Variants in CNTNAP5 observed in about 807,000 individuals in gnomAD.
The protein encoded by CNTNAP5 is contactin associated protein family member 5.
Under a neutral mutation model 150.2 loss-of-function variants are expected in CNTNAP5, and 72 were observed. The ratio of observed to expected loss-of-function variants is 0.48; its 90% confidence interval spans 0.40 to 0.58. The LOEUF is 0.58. Among genes scored for constraint, CNTNAP5 ranks in the 20% least tolerant of loss-of-function variants. The pLI, the probability that CNTNAP5 is intolerant of heterozygous loss-of-function variation, is 0.00. For missense variants in CNTNAP5, 1,636 were observed against 1,626.2 expected, an observed-to-expected ratio of 1.01 and a Z score of -0.10; for synonymous variants, 672 against 619.8, an observed-to-expected ratio of 1.08 and a Z score of -1.25.
chr2:124,340,216 T>C (rs1689576752), intron 3 of CNTNAP5, among the ~76,000 whole-genome samples: 1 of 152,210 alleles, frequency 6.6e-6, no homozygotes, highest in South Asian at 2.1e-4. Flanking sequence ...AAATTTAGCT[T>C]GGCCTATGCC....
intron 13 of CNTNAP5, among the ~76,000 whole-genome samples, chr2:124,653,904 GCCCCCAACCCCCCC>G (rs1678373890): frequency 2.5e-5 from 1 of 39,628 alleles, no homozygotes; most frequent in East Asian, 5.0e-4. Flanking sequence ...TGCCCCCACT[GCCCCCAACCCCCCC>G]CCCCCGCCAC....
At position 124,025,471 on chromosome 2, in the gene CNTNAP5, A is replaced by T; in HGVS notation, c.-180A>T. ...GTAGCCCCAGCTGCAGCTCCGAAGAATCCCCCGCCACGGTTTCGGTGGAGC... is the reference window on the plus strand; with the variant it reads ...GTAGCCCCAGCTGCAGCTCCGAAGATTCCCCCGCCACGGTTTCGGTGGAGC... On this transcript the variant is annotated 5_prime_UTR_variant, in exon 1 of 24. Coordinates refer to ENST00000682447, the MANE Select transcript of CNTNAP5 (RefSeq NM_001367498.1). The T allele has an allele frequency of 1.6e-6, 1 of 613,832 alleles. No homozygotes were observed. The highest frequency in any genetic ancestry group is 1.9e-5 in the South Asian group (1 of 53,266). The allele number at this position is 613,832 out of a possible 1,614,324, so 38.0% of individuals were successfully genotyped here.
chr2:124,252,321 C>T (rs373348572), intron 3 of CNTNAP5, among the ~76,000 whole-genome samples: 3 of 152,220 alleles, frequency 2.0e-5, no homozygotes, highest in South Asian at 2.1e-4. Context: ...TTTAGAGGCC[C>T]GTTCCTAAGT....
At chr2:124,594,756 T>G (rs1696783206) in intron 11 of CNTNAP5, among the ~76,000 whole-genome samples, 1 of 131,030 alleles carries the variant, frequency 7.6e-6, no homozygotes, top group African/African-American at 2.8e-5. Context: ...ATATTGATTC[T>G]TCCTACCCAT....
At chr2:124,722,703 A>G (rs1027848278) in intron 13 of CNTNAP5, among the ~76,000 whole-genome samples, 1 of 152,094 alleles carries the variant, frequency 6.6e-6, no homozygotes, top group Non-Finnish European at 1.5e-5. Flanking sequence ...GGTAGCCTCA[A>G]CCTCAGAAAA....
At chr2:124,861,659 A>G (rs563990587) in intron 19 of CNTNAP5, among the ~76,000 whole-genome samples, 1 of 152,288 alleles carries the variant, frequency 6.6e-6, no homozygotes, top group South Asian at 2.1e-4. Context: ...GAAGAAGAAG[A>G]AGAAGCAGCT....
chr2:124,221,393 C>T (rs565307534), intron 1 of CNTNAP5, among the ~76,000 whole-genome samples: 1 of 152,140 alleles, frequency 6.6e-6, no homozygotes, highest in African/African-American at 2.4e-5. Flanking sequence ...AGAAATGTAG[C>T]TAGTTGGGTT....
intron 7 of CNTNAP5, among the ~76,000 whole-genome samples, chr2:124,490,396 AGG>A (rs1693991515): frequency 7.3e-6 from 1 of 136,812 alleles, no homozygotes; most frequent in South Asian, 2.8e-4. Context: ...GGAGGGAGGG[AGG>A]GAGAAAGGAA....
In CNTNAP5 at chr2:124,741,618, T is replaced by A. The variant is rs150910112; in HGVS notation, c.2078-5611T>A. On this transcript the variant is annotated intron_variant, in intron 13 of 23. Coordinates refer to ENST00000682447, the MANE Select transcript of CNTNAP5 (RefSeq NM_001367498.1). ...TATATTTTCTCTGTCTTTGAACCAT[T>A]TCTCTGCATATAATATATACATATT... is the stretch of plus-strand genomic sequence containing the variant. Among the ~76,000 whole-genome samples the A allele has an allele frequency of 2.0e-4, 31 of 152,332 alleles. No individual in the cohort carries two copies. The East Asian group carries it at 5.6e-3, about 27-fold the overall frequency.
intron 1 of CNTNAP5, among the ~76,000 whole-genome samples, chr2:124,200,227 T>C (rs528004680): frequency 1.3e-5 from 2 of 152,346 alleles, no homozygotes; most frequent in South Asian, 4.1e-4. Flanking sequence ...TATCTCCTTT[T>C]AGCTTTCAAT....
chr2:124,918,722 T>A lies in CNTNAP5; in HGVS notation c.*4434T>A, dbSNP rs1411440616. Among the ~76,000 whole-genome samples, 2 of 152,114 alleles carry A rather than the reference T, an allele frequency of 1.3e-5. No homozygotes were observed. Among genetic ancestry groups the A allele is most frequent in the Non-Finnish European group, 2.9e-5 (2 of 67,994 alleles). On this transcript the variant is annotated 3_prime_UTR_variant, in exon 24 of 24. Transcript: ENST00000682447. ...TGGGATACCTGTATGGTTCTGCCAGTCATTCTTCCTTAATGAAAAGGCTTG... is the reference window on the plus strand; with the variant it reads ...TGGGATACCTGTATGGTTCTGCCAGACATTCTTCCTTAATGAAAAGGCTTG...
At chr2:124,084,620 T>G (rs79600092) in intron 1 of CNTNAP5, among the ~76,000 whole-genome samples, 1,597 of 152,186 alleles carry the variant, frequency 0.01, 29 homozygotes, top group African/African-American at 0.036. Context: ...TGTGTGTGTA[T>G]AGTATGTGTC....
At chr2:124,734,623 G>C (rs1010471769) in intron 13 of CNTNAP5, among the ~76,000 whole-genome samples, 5 of 151,854 alleles carry the variant, frequency 3.3e-5, no homozygotes, top group African/African-American at 2.4e-5. Flanking sequence ...GCAACTGCCT[G>C]TTTTTAATTC....
chr2:124,881,501 T>G (rs888413452), intron 21 of CNTNAP5, among the ~76,000 whole-genome samples: 7 of 152,074 alleles, frequency 4.6e-5, no homozygotes, highest in African/African-American at 1.4e-4. Context: ...TAAGTTACAA[T>G]GGATTATAAA....
intron 19 of CNTNAP5, among the ~76,000 whole-genome samples, chr2:124,808,231 G>A (rs1682122320): frequency 6.6e-6 from 1 of 152,110 alleles, no homozygotes; most frequent in Admixed American, 6.6e-5. Context: ...AAAATTACAT[G>A]TGATAAATGT....
At chr2:124,349,870 A>G (rs369557565) in intron 3 of CNTNAP5, among the ~76,000 whole-genome samples, 2 of 36,424 alleles carry the variant, frequency 5.5e-5, no homozygotes, top group African/African-American at 1.0e-4. Flanking sequence ...ACTTCTGGCT[A>G]TTTCTTTTTT....
intron 7 of CNTNAP5, among the ~76,000 whole-genome samples, chr2:124,503,545 ACTC>A (rs1398473836): frequency 6.6e-6 from 1 of 151,830 alleles, no homozygotes; most frequent in East Asian, 1.9e-4. Flanking sequence ...CCTTTCATCT[ACTC>A]CTCATCTATG....
chr2:124,466,968 T>C (rs1056859586), intron 6 of CNTNAP5, among the ~76,000 whole-genome samples: 1 of 152,078 alleles, frequency 6.6e-6, no homozygotes, highest in Non-Finnish European at 1.5e-5. Context: ...AGGTTTGAAA[T>C]GCGGACAAAG....
At chr2:124,646,636 G>T (rs1678207493) in intron 12 of CNTNAP5, among the ~76,000 whole-genome samples, 1 of 152,156 alleles carries the variant, frequency 6.6e-6, no homozygotes, top group Non-Finnish European at 1.5e-5. Flanking sequence ...ATGTCCAATT[G>T]CAGTAAATGT....
Sources: allele counts gnomAD v4.1 joint callset (sites outside exome capture counted in the v4.1 genomes callset), GRCh38; gene constraint gnomAD v4.1.1; transcripts MANE v1.5; gene names NCBI Gene and HGNC (gene_info 2026-07-23, HGNC 2026-07-21).